The following LNX1 variants were observed in gnomAD, a reference collection of about 807,000 sequenced individuals.
LNX1 encodes the protein E3 ubiquitin-protein ligase LNX.
In LNX1, 54 loss-of-function variants were observed where a neutral mutation model predicts 68.4. That is an observed-to-expected ratio of 0.79 (90% CI 0.63 to 0.99). The LOEUF (loss-of-function observed/expected upper bound fraction) is 0.99. LNX1 is among the 50% of genes least tolerant of loss of function. The pLI is 0.00. For missense variants in LNX1, 906 were observed against 926.4 expected (o/e 0.98, Z 0.29); for synonymous variants, 336 against 350.0 (o/e 0.96, Z 0.45).
chr4:53,524,462 GA>G (rs1411801356), intron 2 of LNX1: 1 of 152,146 alleles, frequency 6.6e-6, no homozygotes, highest in African/African-American at 2.4e-5. Flanking sequence ...TGACAGATAA[GA>G]AAATAGATTG....
chr4:53,477,195 C>T (rs1331872954), intron 8 of LNX1, among the ~76,000 whole-genome samples: 5 of 145,298 alleles, frequency 3.4e-5, no homozygotes, highest in Non-Finnish European at 4.6e-5. Flanking sequence ...TTTTCTAAAG[C>T]ACAGCTATCG....
At chr4:53,553,392 T>A (rs1441326969) in intron 2 of LNX1, among the ~76,000 whole-genome samples, 1 of 152,064 alleles carries the variant, frequency 6.6e-6, no homozygotes, top group Non-Finnish European at 1.5e-5. Context: ...TCCCAAAGAT[T>A]TTCATTTTAG....
chr4:53,643,441 T>A (rs2668523), intron 1 of LNX1, among the ~76,000 whole-genome samples: 3 of 152,010 alleles, frequency 2.0e-5, no homozygotes, highest in Non-Finnish European at 4.4e-5. Context: ...TGAGACACCA[T>A]CCCGGTCAAG....
intron 7 of LNX1, among the ~76,000 whole-genome samples, chr4:53,481,083 G>T (rs772460211): frequency 5.9e-5 from 9 of 152,210 alleles, no homozygotes; most frequent in Non-Finnish European, 1.2e-4. Flanking sequence ...GCCACAGAGA[G>T]AAGTACAAAT....
intron 2 of LNX1, among the ~76,000 whole-genome samples, chr4:53,545,322 TTC>T (rs1347667341): frequency 3.3e-5 from 5 of 152,242 alleles, no homozygotes; most frequent in Non-Finnish European, 1.5e-5. Context: ...GCAATTACTT[TTC>T]TGTTTCAGAA....
chr4:53,576,642 T>TA (rs11404981), intron 1 of LNX1, among the ~76,000 whole-genome samples: 38,154 of 148,716 alleles, frequency 0.26, 4,837 homozygotes, highest in Admixed American at 0.31. Context: ...AAAAATAAAT[T>TA]AAAAAAAAAA....
chr4:53,607,696 G>C (rs1336675971), intron 2 of LNX1, among the ~76,000 whole-genome samples: 1 of 152,138 alleles, frequency 6.6e-6, no homozygotes, highest in Non-Finnish European at 1.5e-5. Context: ...CAAAGCTGGA[G>C]GCATCATATT....
chr4:53,522,811 AAAACC>A (rs1006623145), intron 2 of LNX1, among the ~76,000 whole-genome samples: 1 of 152,210 alleles, frequency 6.6e-6, no homozygotes, highest in African/African-American at 2.4e-5. Context: ...ACACAAAACC[AAAACC>A]AAACCAAACC....
upstream of LNX1, among the ~76,000 whole-genome samples, chr4:53,621,600 A>G (rs1332783528): frequency 6.6e-6 from 1 of 152,226 alleles, no homozygotes; most frequent in Non-Finnish European, 1.5e-5. Context: ...TCGCACTCAT[A>G]TAACTCCAGT....
In LNX1 at chr4:53,623,826, A is replaced by G. The variant is rs536292591; in HGVS notation, c.-215+28342T>C. Among the ~76,000 whole-genome samples the G allele has an allele frequency of 2.0e-5, 3 of 152,340 alleles. No individual in the cohort carries two copies. The South Asian group carries it at 6.2e-4, about 32-fold the overall frequency. On this transcript the variant is annotated intron_variant, in intron 1 of 2. Transcript: ENST00000507168. ...GGAAATTGAAGCCTAGAACAATTAAATAGCTTGCCCAAGGTTGCACAGTAA... is the reference window on the plus strand; with the variant it reads ...GGAAATTGAAGCCTAGAACAATTAAGTAGCTTGCCCAAGGTTGCACAGTAA...
intron 2 of LNX1, among the ~76,000 whole-genome samples, chr4:53,526,366 G>A (rs1727610543): frequency 6.6e-6 from 1 of 152,142 alleles, no homozygotes; most frequent in African/African-American, 2.4e-5. Context: ...GAATTCTCAT[G>A]TCTGAATTAC....
intron 9 of LNX1, among the ~76,000 whole-genome samples, chr4:53,465,544 G>GTT: frequency 6.6e-6 from 1 of 152,184 alleles, no homozygotes; most frequent in East Asian, 1.9e-4. Context: ...ACTCCAGAAA[G>GTT]TTTTACAATC....
chr4:53,643,146 T>C (rs1448592352), intron 1 of LNX1, among the ~76,000 whole-genome samples: 1 of 152,032 alleles, frequency 6.6e-6, no homozygotes, highest in Non-Finnish European at 1.5e-5. Flanking sequence ...TCAAGAAATC[T>C]TGGTCTTTTT....
chr4:53,572,205 A>C (rs759539158), intron 2 of LNX1, among the ~76,000 whole-genome samples: 60 of 151,888 alleles, frequency 4.0e-4, no homozygotes, highest in Non-Finnish European at 7.9e-4. Context: ...TTTCCCACCA[A>C]CGTCTCCCAT....
chr4:53,530,040 A>T (rs1355022066), intron 2 of LNX1, among the ~76,000 whole-genome samples: 1 of 152,234 alleles, frequency 6.6e-6, no homozygotes, highest in Non-Finnish European at 1.5e-5. Flanking sequence ...GAAGTTTGAT[A>T]TGTTTTATCA....
chr4:53,578,558 G>GTT (rs1309277875), intron 1 of LNX1, among the ~76,000 whole-genome samples: 1 of 152,150 alleles, frequency 6.6e-6, no homozygotes, highest in East Asian at 1.9e-4. Context: ...CCAACATGTC[G>GTT]TTATGGGGTC....
chr4:53,591,103 T>G (rs1288910302), intron 1 of LNX1, among the ~76,000 whole-genome samples: 1 of 152,174 alleles, frequency 6.6e-6, no homozygotes, highest in Non-Finnish European at 1.5e-5. Context: ...CTCTTTAGGT[T>G]GTTGTTGTTG....
At chr4:53,646,780 A>G (rs1388432781) in intron 1 of LNX1, among the ~76,000 whole-genome samples, 3 of 152,254 alleles carry the variant, frequency 2.0e-5, no homozygotes, top group Non-Finnish European at 4.4e-5. Flanking sequence ...TTTGTAGAAT[A>G]AAGTGGTATA....
intron 2 of LNX1, chr4:53,558,297 C>T (rs1280053600): frequency 6.3e-6 from 7 of 1,105,678 alleles, no homozygotes; most frequent in African/African-American, 1.6e-5. Flanking sequence ...GCAGCTGGTA[C>T]ATTTACATCA....
Sources: gnomAD v4.1 joint callset for allele counts (sites outside exome capture counted in the v4.1 genomes callset) on GRCh38, gnomAD v4.1.1 for gene constraint, MANE v1.5 for transcripts, NCBI Gene and HGNC (gene_info 2026-07-23, HGNC 2026-07-21) for gene names.